The following RSPH14 variants were observed in gnomAD, a reference collection of about 807,000 sequenced individuals.
RSPH14 encodes radial spoke head 14 homolog.
Under a neutral mutation model 26.7 loss-of-function variants are expected in RSPH14, and 20 were observed. The observed-to-expected ratio is 0.75, with a 90% confidence interval of 0.53 to 1.09. RSPH14 has a LOEUF of 1.09. Ranked by LOEUF, RSPH14 falls within the 50% of genes least tolerant of loss-of-function variation. RSPH14 has a pLI of 0.00. For synonymous variants in RSPH14, 177 were observed against 189.3 expected (o/e 0.93, Z 0.53); for missense variants, 449 against 457.2 (o/e 0.98, Z 0.16).
At chr22:23,158,842 C>T in the RSPH14 span, 251 of 1,525,394 alleles carry the variant, frequency 1.6e-4, 1 homozygote, top group Non-Finnish European at 5.1e-5. Context: ...GCCCTCTGCC[C>T]CCTGTTTGGG....
At chr22:23,147,056 G>A (rs1056428054), upstream of RSPH14, among the ~76,000 whole-genome samples, 3 of 152,166 alleles carry the variant, frequency 2.0e-5, no homozygotes, top group African/African-American at 7.2e-5. Context: ...CTCATGGTAT[G>A]CAGGAGCTCC....
chr22:23,142,968 ACTAATTATT>A (rs1417756828), upstream of RSPH14, among the ~76,000 whole-genome samples: 1 of 152,122 alleles, frequency 6.6e-6, no homozygotes, highest in Non-Finnish European at 1.5e-5. Flanking sequence ...GCTCTGTAAC[ACTAATTATT>A]ACCTCTTTAT....
At chr22:23,064,652 T>G (rs1180027159) in intron 4 of RSPH14, among the ~76,000 whole-genome samples, 1 of 152,152 alleles carries the variant, frequency 6.6e-6, no homozygotes, top group East Asian at 1.9e-4. Flanking sequence ...ACAGAAGACC[T>G]AGAGTGTAGG....
chr22:23,099,503 G>A lies in RSPH14; in HGVS notation c.421+34523C>T, dbSNP rs184723284. ...AGCAACACAAGGGGGTTTTTCTGGC[G>A]CACCTGTCCCCTGAATGATCCTGTG... is the stretch of plus-strand genomic sequence containing the variant. On this transcript the variant is annotated intron_variant, in intron 4 of 6. Transcript: ENST00000216036. Among the ~76,000 whole-genome samples the A allele has an allele frequency of 2.7e-3, 406 of 152,350 alleles. 7 individuals are homozygous for A. The highest frequency in any genetic ancestry group is 0.024 in the Admixed American group (365 of 15,302).
intron 4 of RSPH14, among the ~76,000 whole-genome samples, chr22:23,129,792 C>T (rs961799688): frequency 1.2e-4 from 18 of 151,722 alleles, no homozygotes; most frequent in Non-Finnish European, 8.8e-5. Flanking sequence ...TGGTGGCACA[C>T]GCCTGTAGTC....
chr22:23,171,453 C>T, the RSPH14 span, among the ~76,000 whole-genome samples: 1 of 152,212 alleles, frequency 6.6e-6, no homozygotes, highest in Non-Finnish European at 1.5e-5. Flanking sequence ...GCTGGAACTA[C>T]AAGTGTGTAC....
intron 6 of RSPH14, 72 bp from the exon 7 acceptor site, chr22:23,059,790 C>G: frequency 6.9e-7 from 1 of 1,445,392 alleles, no homozygotes; most frequent in Non-Finnish European, 9.1e-7. Flanking sequence ...CACCCTAGCC[C>G]TCTCCTGACC....
the RSPH14 span, among the ~76,000 whole-genome samples, chr22:23,173,129 T>A: frequency 1.4e-4 from 22 of 152,044 alleles, no homozygotes; most frequent in Non-Finnish European, 3.1e-4. Context: ...AGTTTCTTTC[T>A]TTCTTTTTTT....
chr22:23,110,723 A>T (rs908900871), intron 4 of RSPH14, among the ~76,000 whole-genome samples: 6 of 152,218 alleles, frequency 3.9e-5, no homozygotes, highest in African/African-American at 1.4e-4. Context: ...CCTGGTTGTC[A>T]TAGAAACAGC....
At chr22:23,156,108 G>A in the RSPH14 span, 12 of 1,233,920 alleles carry the variant, frequency 9.7e-6, no homozygotes, top group Admixed American at 4.8e-5. Flanking sequence ...TGGGAATCCC[G>A]AGTTCTCTGC....
rs899392772 is a variant in RSPH14 at position 23,062,070 on chromosome 22, C to T, written c.654-125G>A. 1.1e-4 allele frequency: 130 copies of T among 1,179,262 alleles called. 1 individual carries two copies. In the South Asian group the frequency reaches 1.7e-3, roughly 16 times the overall value. The allele number at this position is 1,179,262 out of a possible 1,614,324, so 73.0% of individuals were successfully genotyped here. On this transcript the variant is annotated intron_variant, in intron 5 of 6. Transcript: ENST00000216036. ...GGGGCTACCCCAGGTAGTCCCAGGA[C>T]TGGTCCCCATGATCCAGGACTGGTC...
At chr22:23,119,880 C>T (rs1226286932) in intron 4 of RSPH14, among the ~76,000 whole-genome samples, 2 of 152,234 alleles carry the variant, frequency 1.3e-5, no homozygotes, top group Non-Finnish European at 2.9e-5. Flanking sequence ...TGAGGCCCAT[C>T]ATCTCCTCGG....
chr22:23,084,631 C>A (rs1253691529), intron 4 of RSPH14, among the ~76,000 whole-genome samples: 1 of 152,202 alleles, frequency 6.6e-6, no homozygotes, highest in African/African-American at 2.4e-5. Context: ...CTCATTTTTG[C>A]CTTCATCCCC....
chr22:23,155,749 T>A, the RSPH14 span, among the ~76,000 whole-genome samples: 1 of 152,076 alleles, frequency 6.6e-6, no homozygotes, highest in African/African-American at 2.4e-5. Context: ...CACACCCCCA[T>A]CCACTAGGAA....
intron 4 of RSPH14, among the ~76,000 whole-genome samples, chr22:23,087,359 G>A (rs952007939): frequency 6.6e-6 from 1 of 152,178 alleles, no homozygotes; most frequent in Non-Finnish European, 1.5e-5. Flanking sequence ...CCAGCTACTC[G>A]AGGCTCAGGT....
chr22:23,108,845 A>G (rs902855911), intron 4 of RSPH14, among the ~76,000 whole-genome samples: 17 of 152,090 alleles, frequency 1.1e-4, no homozygotes, highest in African/African-American at 3.6e-4. Context: ...TGGTGTCCCT[A>G]TTTGGGGACT....
At chr22:23,091,606 A>G (rs965629924) in intron 4 of RSPH14, among the ~76,000 whole-genome samples, 1 of 151,458 alleles carries the variant, frequency 6.6e-6, no homozygotes, top group African/African-American at 2.4e-5. Context: ...GCACCTATGC[A>G]TACACGCATA....
At position 23,140,215 on chromosome 22, in the gene RSPH14, C is replaced by T. The variant is rs201508124; in HGVS notation, c.199+7G>A. On this transcript the variant is annotated splice_region_variant and intron_variant, in intron 2 of 6. Coordinates refer to ENST00000216036, the MANE Select transcript of RSPH14 (RefSeq NM_014433.3). ...AGTCATGGTCACCTGTGCTGTGTCA[C>T]GCTCACCTATGTTCATGGCCTTGTA... The T allele has an allele frequency of 2.1e-4, 331 of 1,612,828 alleles. 2 individuals are homozygous for T. Among genetic ancestry groups the T allele is most frequent in the South Asian group, 8.8e-5 (8 of 91,004 alleles).
chr22:23,171,860 A>C, the RSPH14 span, among the ~76,000 whole-genome samples: 6 of 151,588 alleles, frequency 4.0e-5, no homozygotes, highest in South Asian at 2.1e-4. Context: ...AAAAACAAAA[A>C]AAAAAAAACA....
Sources: gnomAD v4.1 joint callset for allele counts (sites outside exome capture counted in the v4.1 genomes callset) on GRCh38, gnomAD v4.1.1 for gene constraint, MANE v1.5 for transcripts, NCBI Gene and HGNC (gene_info 2026-07-23, HGNC 2026-07-21) for gene names.